TRHDE: variants seen among roughly 807,000 people sequenced by gnomAD.
TRHDE encodes thyrotropin releasing hormone degrading enzyme.
Under a neutral mutation model 125.7 loss-of-function variants are expected in TRHDE, and 72 were observed. The ratio of observed to expected loss-of-function variants is 0.57; its 90% CI spans 0.47 to 0.70. The LOEUF is 0.70. Ranked by LOEUF, TRHDE falls within the 30% of genes least tolerant of loss-of-function variation. The pLI is 0.00. For missense variants in TRHDE, 1,110 were observed against 1,327.1 expected (o/e 0.84, Z 2.54); for synonymous variants, 509 against 509.1 (o/e 1.00, Z 0.00).
At chr12:72,399,421 C>G (rs1872942589) in intron 3 of TRHDE, among the ~76,000 whole-genome samples, 1 of 152,108 alleles carries the variant, frequency 6.6e-6, no homozygotes, top group Non-Finnish European at 1.5e-5. Context: ...CTAGAATAAT[C>G]TGACTCTAAA....
At chr12:72,502,840 G>C (rs368661466) in intron 6 of TRHDE, among the ~76,000 whole-genome samples, 3 of 152,060 alleles carry the variant, frequency 2.0e-5, no homozygotes, top group Admixed American at 6.6e-5. Flanking sequence ...TGGCATATCC[G>C]AAAAATAATT....
chr12:72,591,150 T>G (rs1198948813), intron 12 of TRHDE, among the ~76,000 whole-genome samples: 1 of 152,170 alleles, frequency 6.6e-6, no homozygotes, highest in Non-Finnish European at 1.5e-5. Flanking sequence ...TTCACTATAA[T>G]GAGAACAGCA....
At chr12:72,564,652 A>ATTTTT in intron 9 of TRHDE, among the ~76,000 whole-genome samples, 2 of 62,790 alleles carry the variant, frequency 3.2e-5, no homozygotes, top group Admixed American at 2.0e-4. Flanking sequence ...CATGCGTATG[A>ATTTTT]ATTTTTTTTT....
At chr12:72,100,822 A>C (rs533373843) in intron 1 of TRHDE, among the ~76,000 whole-genome samples, 1 of 152,248 alleles carries the variant, frequency 6.6e-6, no homozygotes, top group East Asian at 1.9e-4. Flanking sequence ...TGACCCCCTC[A>C]CATATATGAC....
At chr12:72,170,608 G>A (rs1024818879) in intron 2 of TRHDE, among the ~76,000 whole-genome samples, 7 of 152,070 alleles carry the variant, frequency 4.6e-5, no homozygotes, top group Non-Finnish European at 7.4e-5. Context: ...CTCTACCTTT[G>A]ATGTTTCTGG....
At chr12:72,218,055 AT>A (rs1268471948) in intron 2 of TRHDE, among the ~76,000 whole-genome samples, 8 of 152,130 alleles carry the variant, frequency 5.3e-5, no homozygotes, top group Admixed American at 3.3e-4. Flanking sequence ...ACTTTCATTC[AT>A]GGTCATTCAT....
At chr12:72,291,360 A>G (rs911928562) in intron 2 of TRHDE, among the ~76,000 whole-genome samples, 4 of 152,178 alleles carry the variant, frequency 2.6e-5, no homozygotes, top group Admixed American at 2.6e-4. Flanking sequence ...CTGAAACCCA[A>G]CTGGGCACAT....
At chr12:72,319,527 G>A (rs1469214890) in intron 2 of TRHDE, among the ~76,000 whole-genome samples, 1 of 152,084 alleles carries the variant, frequency 6.6e-6, no homozygotes, top group African/African-American at 2.4e-5. Flanking sequence ...ACGCCTCAAA[G>A]GTGTGCTTTT....
chr12:72,424,728 C>A (rs568954776), intron 3 of TRHDE, among the ~76,000 whole-genome samples: 1 of 152,170 alleles, frequency 6.6e-6, no homozygotes, highest in East Asian at 1.9e-4. Context: ...CTATTCATTC[C>A]CTTGTTGTTT....
chr12:72,317,519 C>T (rs73139273), intron 2 of TRHDE, among the ~76,000 whole-genome samples: 7,035 of 152,236 alleles, frequency 0.046, 229 homozygotes, highest in Non-Finnish European at 0.069. Flanking sequence ...CAAGATGGTG[C>T]TTTGTTGCTG....
At chr12:72,324,211 A>G (rs1331347880) in intron 2 of TRHDE, among the ~76,000 whole-genome samples, 2 of 152,154 alleles carry the variant, frequency 1.3e-5, no homozygotes, top group Admixed American at 1.3e-4. Context: ...ATTGGTTAAC[A>G]TCAATTTAAA....
At chr12:72,492,186 A>G (rs1193498808) in intron 5 of TRHDE, among the ~76,000 whole-genome samples, 1 of 151,980 alleles carries the variant, frequency 6.6e-6, no homozygotes, top group Non-Finnish European at 1.5e-5. Flanking sequence ...TAATTTTTAA[A>G]GTGCATTGGT....
chr12:72,430,281 T>G (rs974807971), intron 3 of TRHDE, among the ~76,000 whole-genome samples: 1 of 143,384 alleles, frequency 7.0e-6, no homozygotes, highest in African/African-American at 2.6e-5. Context: ...TATAAAACTG[T>G]TGTGTGTGTG....
intron 2 of TRHDE, among the ~76,000 whole-genome samples, chr12:72,332,500 C>T (rs1295911079): frequency 6.6e-6 from 1 of 152,114 alleles, no homozygotes; most frequent in Non-Finnish European, 1.5e-5. Flanking sequence ...GGGGATGGTG[C>T]TAAACCATTC....
chr12:72,409,759 A>G (rs7965665), intron 3 of TRHDE, among the ~76,000 whole-genome samples: 53,775 of 152,072 alleles, frequency 0.35, 13,637 homozygotes, highest in African/African-American at 0.7. Flanking sequence ...GAAAGCAAAC[A>G]TAATGACAGG....
chr12:72,321,147 G>C (rs1869072600), intron 2 of TRHDE, among the ~76,000 whole-genome samples: 1 of 152,124 alleles, frequency 6.6e-6, no homozygotes, highest in African/African-American at 2.4e-5. Flanking sequence ...AGAGGCATTA[G>C]TAATAGAAAT....
At chr12:72,577,367 T>A (rs1306448288) in intron 12 of TRHDE, among the ~76,000 whole-genome samples, 1 of 152,082 alleles carries the variant, frequency 6.6e-6, no homozygotes, top group African/African-American at 2.4e-5. Context: ...ACTCTAAGTG[T>A]GAGGAAATGG....
At chr12:72,172,172 G>A (rs1351350807) in intron 2 of TRHDE, among the ~76,000 whole-genome samples, 1 of 152,156 alleles carries the variant, frequency 6.6e-6, no homozygotes, top group African/African-American at 2.4e-5. Context: ...CATGGCCAAT[G>A]TCTTGGCTCT....
At chr12:72,395,913 A>T (rs1872768251) in intron 3 of TRHDE, among the ~76,000 whole-genome samples, 1 of 151,930 alleles carries the variant, frequency 6.6e-6, no homozygotes, top group Non-Finnish European at 1.5e-5. Context: ...TGACCTGGAT[A>T]TTTATTTCAT....
Sources: allele counts gnomAD v4.1 joint callset (sites outside exome capture counted in the v4.1 genomes callset), GRCh38; gene constraint gnomAD v4.1.1; transcripts MANE v1.5; gene names NCBI Gene and HGNC (gene_info 2026-07-23, HGNC 2026-07-21).